LINGO2: variants seen among roughly 807,000 people sequenced by gnomAD.
LINGO2 encodes the protein leucine-rich repeat and immunoglobulin-like domain-containing nogo receptor-interacting protein 2.
LINGO2 carries 14 observed loss-of-function variants against 30.6 expected under a neutral mutation model. The observed-to-expected ratio is 0.46, with a 90% CI of 0.30 to 0.72. The LOEUF is 0.72. Among genes scored for constraint, LINGO2 ranks in the 30% least tolerant of loss-of-function variants. The probability of loss-of-function intolerance (pLI) is 0.07; values close to 1 mark genes in which losing one functional copy is unlikely to be tolerated. For synonymous variants in LINGO2, 317 were observed against 288.5 expected (o/e 1.10, Z -1.00); for missense variants, 729 against 751.7 (o/e 0.97, Z 0.35).
the LINGO2 span, among the ~76,000 whole-genome samples, chr9:28,944,335 G>A: frequency 0.17 from 24,325 of 145,782 alleles, 1,973 homozygotes; most frequent in South Asian, 0.21. Context: ...GATACAAAGG[G>A]GGCTGGACAT....
At chr9:28,853,255 T>G in the LINGO2 span, among the ~76,000 whole-genome samples, 6 of 152,020 alleles carry the variant, frequency 3.9e-5, no homozygotes, top group African/African-American at 1.4e-4. Context: ...CTTTTGAAAC[T>G]CCAGGTGTTT....
intron 5 of LINGO2, among the ~76,000 whole-genome samples, chr9:27,998,868 AAGAGT>A (rs1238026776): frequency 6.6e-6 from 1 of 152,110 alleles, no homozygotes; most frequent in African/African-American, 2.4e-5. Context: ...CATGAGAGAG[AAGAGT>A]AAACTATTAT....
the LINGO2 span, among the ~76,000 whole-genome samples, chr9:28,875,585 T>C: frequency 6.6e-6 from 1 of 152,224 alleles, no homozygotes; most frequent in East Asian, 1.9e-4. Context: ...TTTATTGGCA[T>C]GCCCTTTATT....
At chr9:28,059,044 G>A (rs1270382236) in intron 4 of LINGO2, among the ~76,000 whole-genome samples, 1 of 152,094 alleles carries the variant, frequency 6.6e-6, no homozygotes, top group Admixed American at 6.6e-5. Flanking sequence ...TAATAGAAGT[G>A]TTTCCTAGTA....
At chr9:28,650,893 T>C (rs559004668) in intron 1 of LINGO2, among the ~76,000 whole-genome samples, 42 of 152,312 alleles carry the variant, frequency 2.8e-4, no homozygotes, top group African/African-American at 9.4e-4. Context: ...TAATATGTGA[T>C]ATATTTGAAA....
chr9:28,293,253 A>G (rs1823802607), intron 4 of LINGO2, among the ~76,000 whole-genome samples: 1 of 151,788 alleles, frequency 6.6e-6, no homozygotes, highest in South Asian at 2.1e-4. Flanking sequence ...ACACACCACC[A>G]TTCTCGACTA....
At chr9:29,173,545 A>G in the LINGO2 span, among the ~76,000 whole-genome samples, 3 of 152,144 alleles carry the variant, frequency 2.0e-5, no homozygotes, top group East Asian at 1.9e-4. Context: ...AGAAAAATCA[A>G]AAGTGATTAG....
intron 2 of LINGO2, among the ~76,000 whole-genome samples, chr9:28,418,711 T>A (rs1564187465): frequency 1.3e-5 from 2 of 152,042 alleles, no homozygotes; most frequent in East Asian, 3.9e-4. Flanking sequence ...TAGGAAGCAT[T>A]TAATAAATGC....
chr9:28,654,615 G>T (rs1158173286), intron 1 of LINGO2, among the ~76,000 whole-genome samples: 1 of 151,950 alleles, frequency 6.6e-6, no homozygotes, highest in East Asian at 1.9e-4. Flanking sequence ...TCCAACTCCA[G>T]TCTCCCATGT....
At chr9:29,132,962 C>A in the LINGO2 span, among the ~76,000 whole-genome samples, 15 of 151,972 alleles carry the variant, frequency 9.9e-5, no homozygotes, top group Admixed American at 2.0e-4. Flanking sequence ...CTCAGGTAAT[C>A]CTCCTGCCTT....
the LINGO2 span, among the ~76,000 whole-genome samples, chr9:28,853,785 C>T: frequency 0.1 from 15,739 of 151,698 alleles, 945 homozygotes; most frequent in African/African-American, 0.17. Flanking sequence ...TATAGGAAAC[C>T]GCCCCTATGA....
the LINGO2 span, among the ~76,000 whole-genome samples, chr9:28,890,836 A>G: frequency 1 from 151,818 of 152,120 alleles, 75,758 homozygotes; most frequent in Middle Eastern, 1. Flanking sequence ...AGGCAGAGGC[A>G]CCATCCTGTT....
chr9:28,385,547 T>G (rs1413162155), intron 2 of LINGO2, among the ~76,000 whole-genome samples: 1 of 152,136 alleles, frequency 6.6e-6, no homozygotes, highest in Non-Finnish European at 1.5e-5. Flanking sequence ...CAAATAAAAT[T>G]AGGCTTTGTG....
chr9:27,969,948 C>T (rs933924210), intron 5 of LINGO2, among the ~76,000 whole-genome samples: 3 of 152,102 alleles, frequency 2.0e-5, no homozygotes, highest in African/African-American at 7.2e-5. Context: ...CCCTATCCCT[C>T]AATACATTTT....
chr9:28,772,694 G>A, the LINGO2 span, among the ~76,000 whole-genome samples: 2 of 152,118 alleles, frequency 1.3e-5, no homozygotes, highest in African/African-American at 2.4e-5. Context: ...AAGAGGGATA[G>A]GCTTTGTAAG....
intron 1 of LINGO2, among the ~76,000 whole-genome samples, chr9:28,653,807 G>A (rs774755953): frequency 2.6e-5 from 4 of 151,844 alleles, no homozygotes; most frequent in Non-Finnish European, 5.9e-5. Context: ...ATTCATCAGG[G>A]CACATGACAC....
Position 28,379,822 on chromosome 9 carries a change from G to A in LINGO2, c.-278-6954C>T, listed in dbSNP as rs554211878. ...AATCTGGGAGGAAGGCTTCATGAGT[G>A]AAGAAACTAAAAATACTGCAAGGAA... On this transcript the variant is annotated intron_variant, in intron 2 of 5. Transcript: ENST00000379992. Among the ~76,000 whole-genome samples the A allele has an allele frequency of 3.7e-4, 56 of 152,180 alleles. 1 individual carries two copies. The South Asian group carries it at 9.1e-3, about 25-fold the overall frequency.
chr9:28,583,177 A>G (rs763956676), intron 1 of LINGO2, among the ~76,000 whole-genome samples: 1 of 152,040 alleles, frequency 6.6e-6, no homozygotes, highest in African/African-American at 2.4e-5. Context: ...AAAGTGATTA[A>G]TATTAAAACT....
intron 4 of LINGO2, among the ~76,000 whole-genome samples, chr9:28,050,707 G>A (rs940102299): frequency 2.0e-5 from 3 of 150,870 alleles, no homozygotes; most frequent in African/African-American, 7.3e-5. Context: ...AAGAGCCCAG[G>A]CATTCCACTG....
Sources: allele counts gnomAD v4.1 joint callset (sites outside exome capture counted in the v4.1 genomes callset), GRCh38; gene constraint gnomAD v4.1.1; transcripts MANE v1.5; gene names NCBI Gene and HGNC (gene_info 2026-07-23, HGNC 2026-07-21).